Variants in CSTPP1 observed in about 807,000 individuals in gnomAD.
CSTPP1 encodes UPF0705 protein C11orf49.
the CSTPP1 span, among the ~76,000 whole-genome samples, chr11:47,136,399 C>T: frequency 6.6e-6 from 1 of 152,150 alleles, no homozygotes; most frequent in Non-Finnish European, 1.5e-5. Context: ...AGGAGAGTGC[C>T]ACAAAACCAT....
At chr11:47,156,122 G>A in the CSTPP1 span, among the ~76,000 whole-genome samples, 20 of 152,306 alleles carry the variant, frequency 1.3e-4, no homozygotes, top group African/African-American at 4.3e-4. Context: ...TCATTTGGGC[G>A]CCACATTCTG....
the CSTPP1 span, among the ~76,000 whole-genome samples, chr11:46,949,800 T>TA: frequency 1.3e-5 from 2 of 151,778 alleles, no homozygotes; most frequent in Non-Finnish European, 2.9e-5. Context: ...GCCTCCCGAG[T>TA]AGCTGGAATT....
chr11:47,142,206 G>T, the CSTPP1 span, among the ~76,000 whole-genome samples: 2 of 148,962 alleles, frequency 1.3e-5, no homozygotes, highest in African/African-American at 2.5e-5. Flanking sequence ...TCGCGCCACT[G>T]CACTCCAGGC....
the CSTPP1 span, among the ~76,000 whole-genome samples, chr11:47,038,973 C>T: frequency 1.6e-5 from 2 of 124,216 alleles, 1 homozygote; most frequent in Non-Finnish European, 3.9e-5. Flanking sequence ...TCCTCACTTC[C>T]CAGATGGGAT....
chr11:46,948,181 C>T, the CSTPP1 span: 1 of 456,148 alleles, frequency 2.2e-6, no homozygotes, highest in Admixed American at 2.3e-5. Context: ...AGGCAACACA[C>T]AAAGAAGTTC....
the CSTPP1 span, among the ~76,000 whole-genome samples, chr11:47,002,185 A>G: frequency 6.6e-6 from 1 of 151,892 alleles, no homozygotes; most frequent in East Asian, 1.9e-4. Context: ...ACAGACTCAG[A>G]TAATTGTCAG....
At chr11:47,074,192 A>G in the CSTPP1 span, among the ~76,000 whole-genome samples, 1 of 151,934 alleles carries the variant, frequency 6.6e-6, no homozygotes, top group African/African-American at 2.4e-5. Flanking sequence ...CAACAGTCTC[A>G]ACAACAACAA....
the CSTPP1 span, among the ~76,000 whole-genome samples, chr11:47,107,915 C>T: frequency 6.6e-6 from 1 of 152,240 alleles, no homozygotes. Context: ...GTACCTTGTT[C>T]CCCTGGCAGT....
the CSTPP1 span, among the ~76,000 whole-genome samples, chr11:47,058,292 C>T: frequency 6.6e-6 from 1 of 152,158 alleles, no homozygotes; most frequent in Non-Finnish European, 1.5e-5. Context: ...CGCACCACTG[C>T]ACTCAAGCCT....
At chr11:46,972,271 G>A in the CSTPP1 span, among the ~76,000 whole-genome samples, 1 of 152,156 alleles carries the variant, frequency 6.6e-6, no homozygotes, top group Non-Finnish European at 1.5e-5. Context: ...GTCCTGGAGA[G>A]TAGAATATCC....
At chr11:47,134,469 C>T in the CSTPP1 span, among the ~76,000 whole-genome samples, 1 of 152,174 alleles carries the variant, frequency 6.6e-6, no homozygotes, top group Non-Finnish European at 1.5e-5. Flanking sequence ...GGATTACAGG[C>T]GTGAGCCACT....
chr11:47,064,925 G>A, the CSTPP1 span, among the ~76,000 whole-genome samples: 2 of 152,174 alleles, frequency 1.3e-5, no homozygotes, highest in East Asian at 3.9e-4. Flanking sequence ...TGTATTTTTA[G>A]TAGAGACGGG....
At chr11:47,148,690 C>T in the CSTPP1 span, among the ~76,000 whole-genome samples, 1 of 152,208 alleles carries the variant, frequency 6.6e-6, no homozygotes, top group South Asian at 2.1e-4. Flanking sequence ...AATATACTTA[C>T]TGATTACAGC....
chr11:46,987,567 T>A, the CSTPP1 span: 367 of 350,506 alleles, frequency 1.0e-3, no homozygotes, highest in African/African-American at 7.0e-3. Flanking sequence ...TAGATCTATT[T>A]CTGTAGGTTT....
At chr11:46,999,704 TTAACGGTATCCTTCCA>T in the CSTPP1 span, among the ~76,000 whole-genome samples, 1 of 152,232 alleles carries the variant, frequency 6.6e-6, no homozygotes, top group Non-Finnish European at 1.5e-5. Flanking sequence ...CAAAAATATG[TTAACGGTATCCTTCCA>T]TCTTACAGTT....
At chr11:46,955,858 G>A in the CSTPP1 span, among the ~76,000 whole-genome samples, 42 of 151,984 alleles carry the variant, frequency 2.8e-4, no homozygotes, top group East Asian at 1.4e-3. Context: ...TGGGCGCGGC[G>A]GGTGCCTGAA....
the CSTPP1 span, among the ~76,000 whole-genome samples, chr11:47,119,289 T>G: frequency 6.6e-6 from 1 of 152,254 alleles, no homozygotes. Context: ...TCACCTTGTC[T>G]GCCAGTTGCT....
chr11:47,041,538 C>A, the CSTPP1 span: 1 of 389,916 alleles, frequency 2.6e-6, no homozygotes, highest in South Asian at 2.0e-5. Flanking sequence ...AGTTCATGCC[C>A]TTCACCAGCC....
the CSTPP1 span, among the ~76,000 whole-genome samples, chr11:47,014,491 G>A: frequency 2.0e-5 from 3 of 151,976 alleles, no homozygotes; most frequent in Non-Finnish European, 4.4e-5. Context: ...GATCACCTAA[G>A]TTGGGAATTT....
Sources: gnomAD v4.1 joint callset for allele counts (sites outside exome capture counted in the v4.1 genomes callset) on GRCh38, gnomAD v4.1.1 for gene constraint, MANE v1.5 for transcripts, NCBI Gene and HGNC (gene_info 2026-07-23, HGNC 2026-07-21) for gene names.